The following LHFPL6 variants were observed in gnomAD, a reference collection of about 807,000 sequenced individuals.
LHFPL6 encodes LHFPL tetraspan subfamily member 6, also known as LHFPL tetraspan subfamily member 6 protein.
In LHFPL6, 9 loss-of-function variants were observed where a neutral mutation model predicts 20.6. That is an observed-to-expected ratio of 0.44 (90% CI 0.26 to 0.76). LHFPL6 has a LOEUF of 0.76. Among genes scored for constraint, LHFPL6 ranks in the 30% least tolerant of loss-of-function variants. LHFPL6 has a pLI of 0.20. For missense variants in LHFPL6, 218 were observed against 253.5 expected (o/e 0.86, Z 0.95); for synonymous variants, 105 against 98.7 (o/e 1.06, Z -0.38).
chr13:39,380,135 CTT>C (rs1870400233), intron 2 of LHFPL6, among the ~76,000 whole-genome samples: 1 of 152,114 alleles, frequency 6.6e-6, no homozygotes, highest in African/African-American at 2.4e-5. Context: ...GGATGCCAAG[CTT>C]TGTGCAAAAT....
intron 2 of LHFPL6, among the ~76,000 whole-genome samples, chr13:39,482,235 G>T (rs913052230): frequency 6.6e-6 from 1 of 152,198 alleles, no homozygotes; most frequent in African/African-American, 2.4e-5. Context: ...TTTGAGGTCA[G>T]GAGTTTGAGA....
At chr13:39,352,880 A>C (rs1385865645) in intron 3 of LHFPL6, among the ~76,000 whole-genome samples, 580 of 54,088 alleles carry the variant, frequency 0.011, 7 homozygotes, top group Middle Eastern at 0.019. Context: ...TATATATATA[A>C]ATGTATATAT....
At chr13:39,365,623 C>G (rs1253185085) in intron 3 of LHFPL6, among the ~76,000 whole-genome samples, 4 of 152,180 alleles carry the variant, frequency 2.6e-5, no homozygotes, top group Non-Finnish European at 5.9e-5. Context: ...AACAAATCCT[C>G]CTACACATAC....
intron 2 of LHFPL6, among the ~76,000 whole-genome samples, chr13:39,423,005 G>A (rs977848421): frequency 2.0e-5 from 3 of 152,074 alleles, no homozygotes; most frequent in Non-Finnish European, 2.9e-5. Flanking sequence ...TCACTATCAC[G>A]AGAACAGCAT....
intron 2 of LHFPL6, among the ~76,000 whole-genome samples, chr13:39,428,778 C>A (rs1329746619): frequency 6.6e-6 from 1 of 152,086 alleles, no homozygotes; most frequent in Non-Finnish European, 1.5e-5. Context: ...ATTTGAGACA[C>A]TTCTATTCTA....
Position 39,603,100 on chromosome 13 carries a change from C to T in LHFPL6, c.-392G>A, listed in dbSNP as rs1435292988. 1 of 152,316 alleles carries T rather than the reference C, an allele frequency of 6.6e-6. No homozygotes were observed. The highest frequency in any genetic ancestry group is 6.5e-5 in the Admixed American group (1 of 15,290). 9.4% of individuals were successfully genotyped at this position (152,316 alleles called of 1,614,324 possible). A position where few individuals can be genotyped will look rare whatever the true frequency, so the allele number is the denominator to read the frequency against. ...AGCGGGCTGGCACCAGCGGAGACCC[C>T]CACTCCCGGCGAGTCCGCGGCGGCA... On this transcript the variant is annotated 5_prime_UTR_variant, in exon 1 of 4. Coordinates refer to ENST00000379589, the MANE Select transcript of LHFPL6 (RefSeq NM_005780.3).
Position 39,343,949 on chromosome 13 carries a change from T to A in LHFPL6, c.590A>T (p.His197Leu), listed in dbSNP as rs779904928. ...LACFSGKKQK[H>L]YPY is the part of the protein sequence containing the mutation. Reference sequence around the variant, plus strand: ...GGTAGCTCCATCTCAGTATGGGTAGTGCTTCTGTTTCTTGCCCGAAAAGCA... The same window carrying A: ...GGTAGCTCCATCTCAGTATGGGTAGAGCTTCTGTTTCTTGCCCGAAAAGCA... Residue 197 changes from histidine (H) to leucine (L), a missense_variant, in exon 4 of 4, where the codon CAC (histidine) becomes CTC (leucine). Physicochemically the swap from His to Leu is moderately conservative, Grantham distance 99 (BLOSUM62 -3). Transcript: ENST00000379589. 7.4e-6 allele frequency: 12 copies of A among 1,613,680 alleles called. No individual in the cohort carries two copies. Among genetic ancestry groups the A allele is most frequent in the Admixed American group, 5.0e-5 (3 of 59,990 alleles).
At chr13:39,356,098 A>G (rs573876019) in intron 3 of LHFPL6, among the ~76,000 whole-genome samples, 7 of 152,362 alleles carry the variant, frequency 4.6e-5, no homozygotes, top group Non-Finnish European at 8.8e-5. Context: ...CAAGGAACAT[A>G]TGCTAAGATT....
intron 2 of LHFPL6, among the ~76,000 whole-genome samples, chr13:39,558,082 A>T (rs935350934): frequency 6.6e-6 from 1 of 152,152 alleles, no homozygotes; most frequent in East Asian, 1.9e-4. Context: ...TTCATAAACT[A>T]CCCAGCCTTA....
intron 2 of LHFPL6, among the ~76,000 whole-genome samples, chr13:39,576,790 T>G (rs910273843): frequency 6.8e-6 from 1 of 146,452 alleles, no homozygotes; most frequent in Admixed American, 7.0e-5. Context: ...TGCACCATCA[T>G]GCCCAGCCAA....
At chr13:39,482,619 T>C (rs1432894133) in intron 2 of LHFPL6, among the ~76,000 whole-genome samples, 1 of 152,070 alleles carries the variant, frequency 6.6e-6, no homozygotes, top group Non-Finnish European at 1.5e-5. Flanking sequence ...CAGAGAGATA[T>C]AGTAAAGTGG....
intron 2 of LHFPL6, among the ~76,000 whole-genome samples, chr13:39,481,111 G>C (rs547617701): frequency 6.6e-6 from 1 of 152,080 alleles, no homozygotes; most frequent in African/African-American, 2.4e-5. Context: ...CAATTAACTT[G>C]TATTAGTTTT....
chr13:39,417,986 C>T (rs546927638), intron 2 of LHFPL6, among the ~76,000 whole-genome samples: 19 of 152,296 alleles, frequency 1.2e-4, no homozygotes, highest in African/African-American at 4.6e-4. Context: ...TGTGTCCTAG[C>T]ACCCAATCCA....
intron 2 of LHFPL6, among the ~76,000 whole-genome samples, chr13:39,469,294 C>A (rs2138435328): frequency 6.6e-6 from 1 of 152,292 alleles, no homozygotes; most frequent in South Asian, 2.1e-4. Flanking sequence ...TTCTTGTGGC[C>A]ATTCAGTTCA....
intron 2 of LHFPL6, among the ~76,000 whole-genome samples, chr13:39,438,286 T>C (rs1872020275): frequency 6.6e-6 from 1 of 152,192 alleles, no homozygotes; most frequent in South Asian, 2.1e-4. Context: ...ATGATTCCAC[T>C]ATCCAGTGGA....
chr13:39,451,219 A>G (rs1344950275), intron 2 of LHFPL6, among the ~76,000 whole-genome samples: 1 of 152,180 alleles, frequency 6.6e-6, no homozygotes, highest in Non-Finnish European at 1.5e-5. Flanking sequence ...AAAATAGTTT[A>G]CAGAGTCAAT....
At chr13:39,530,247 CAA>C (rs529766145) in intron 2 of LHFPL6, among the ~76,000 whole-genome samples, 16 of 102,048 alleles carry the variant, frequency 1.6e-4, no homozygotes, top group Non-Finnish European at 1.7e-4. Context: ...GACCTTGTTT[CAA>C]AAAAAAAAAA....
intron 3 of LHFPL6, among the ~76,000 whole-genome samples, chr13:39,373,588 A>G (rs1203431678): frequency 6.6e-6 from 1 of 152,226 alleles, no homozygotes; most frequent in African/African-American, 2.4e-5. Context: ...GCAGTCTTCA[A>G]CTATCCTGGG....
intron 2 of LHFPL6, among the ~76,000 whole-genome samples, chr13:39,477,459 AC>A (rs1445579817): frequency 1.3e-5 from 2 of 152,194 alleles, no homozygotes; most frequent in African/African-American, 4.8e-5. Flanking sequence ...TTTCAGTAGA[AC>A]TTGATCTGCA....
Sources: allele counts gnomAD v4.1 joint callset (sites outside exome capture counted in the v4.1 genomes callset), GRCh38; gene constraint gnomAD v4.1.1; transcripts MANE v1.5; gene names NCBI Gene and HGNC (gene_info 2026-07-23, HGNC 2026-07-21).